Variants in SLC39A8 observed in about 807,000 individuals in gnomAD.
SLC39A8 encodes the protein metal cation symporter ZIP8.
Under a neutral mutation model 40.4 loss-of-function variants are expected in SLC39A8, and 15 were observed. The observed-to-expected ratio is 0.37, with a 90% CI of 0.25 to 0.57. The LOEUF is 0.57. SLC39A8 is among the 20% of genes least tolerant of loss of function. SLC39A8 has a pLI of 0.75. For synonymous variants in SLC39A8, 223 were observed against 221.6 expected (o/e 1.01, Z -0.06); for missense variants, 472 against 558.8 (o/e 0.84, Z 1.57).
At chr4:102,295,859 T>C (rs571316416) in intron 6 of SLC39A8, among the ~76,000 whole-genome samples, 6 of 152,252 alleles carry the variant, frequency 3.9e-5, no homozygotes, top group Non-Finnish European at 8.8e-5. Flanking sequence ...AAAATGCTTT[T>C]GTCAAATTTA....
intron 3 of SLC39A8, 60 bp downstream of exon 3, chr4:102,315,608 T>C: frequency 6.9e-7 from 1 of 1,459,128 alleles, no homozygotes; most frequent in Non-Finnish European, 9.2e-7. Context: ...GCATATTAAC[T>C]TCATTTCACA....
At chr4:102,272,497 G>A (rs1219957888) in intron 6 of SLC39A8, among the ~76,000 whole-genome samples, 1 of 152,008 alleles carries the variant, frequency 6.6e-6, no homozygotes, top group Non-Finnish European at 1.5e-5. Context: ...TATGTTCCCA[G>A]CTACTCGAAA....
intron 2 of SLC39A8, among the ~76,000 whole-genome samples, chr4:102,320,366 G>A (rs192569459): frequency 0.043 from 5,101 of 117,352 alleles, 223 homozygotes; most frequent in Non-Finnish European, 0.069. Context: ...ATATATATGA[G>A]TATATATATA....
chr4:102,281,506 G>C (rs192567406), intron 6 of SLC39A8, among the ~76,000 whole-genome samples: 1 of 152,290 alleles, frequency 6.6e-6, no homozygotes, highest in Non-Finnish European at 1.5e-5. Context: ...CTGTGGCAGA[G>C]AAGATCTAGA....
intron 2 of SLC39A8, among the ~76,000 whole-genome samples, chr4:102,343,351 A>C (rs889685536): frequency 6.6e-6 from 1 of 152,220 alleles, no homozygotes; most frequent in African/African-American, 2.4e-5. Flanking sequence ...CTGTAATCTA[A>C]AGTCATATTC....
intron 2 of SLC39A8, among the ~76,000 whole-genome samples, chr4:102,337,634 C>T (rs1040439028): frequency 6.6e-6 from 1 of 152,218 alleles, no homozygotes; most frequent in Non-Finnish European, 1.5e-5. Flanking sequence ...GCACAAACCA[C>T]TTTCTCCAGT....
intron 2 of SLC39A8, among the ~76,000 whole-genome samples, chr4:102,338,149 C>A (rs1259601862): frequency 6.6e-6 from 1 of 151,472 alleles, no homozygotes; most frequent in Non-Finnish European, 1.5e-5. Flanking sequence ...TGCAGCTTTG[C>A]CTTCCATAGT....
chr4:102,288,912 G>T (rs1199990721), intron 6 of SLC39A8, among the ~76,000 whole-genome samples: 1 of 152,096 alleles, frequency 6.6e-6, no homozygotes, highest in Admixed American at 6.6e-5. Context: ...TTCTGATGGA[G>T]AAGTTATCCA....
chr4:102,299,035 G>A (rs959922319), intron 6 of SLC39A8, among the ~76,000 whole-genome samples: 1 of 151,946 alleles, frequency 6.6e-6, no homozygotes, highest in African/African-American at 2.4e-5. Flanking sequence ...GAACTAGAGA[G>A]ACCCTCAATT....
At chr4:102,339,055 C>T (rs551330016) in intron 2 of SLC39A8, among the ~76,000 whole-genome samples, 1 of 152,256 alleles carries the variant, frequency 6.6e-6, no homozygotes, top group South Asian at 2.1e-4. Flanking sequence ...GGCATCAAGG[C>T]AAACTAAGCT....
Position 102,251,172 on chromosome 4 carries a change from C to T in SLC39A8, c.*2557G>A, listed in dbSNP as rs554251970. 10 of 152,278 alleles carry T rather than the reference C, an allele frequency of 6.6e-5. No individual in the cohort carries two copies. In the South Asian group the frequency reaches 1.9e-3, roughly 28 times the overall value. The allele number at this position is 152,278 out of a possible 1,614,324, so 9.4% of individuals were successfully genotyped here. A position where few individuals can be genotyped will look rare whatever the true frequency, so the allele number is the denominator to read the frequency against. ...ATAGGAATCAGATTAAGGTTATTAG[C>T]ATATCCATCATCTCAAATAGTTGTC... On this transcript the variant is annotated 3_prime_UTR_variant and NMD_transcript_variant, in exon 12 of 12. Coordinates refer to the SLC39A8 transcript ENST00000424970.
intron 6 of SLC39A8, among the ~76,000 whole-genome samples, chr4:102,298,970 A>G (rs1353417306): frequency 2.0e-5 from 3 of 152,058 alleles, no homozygotes; most frequent in Non-Finnish European, 4.4e-5. Flanking sequence ...TCCCAAGCCA[A>G]TGTGGCAAGG....
At chr4:102,266,461 TTATTA>T (rs1459114273) in intron 8 of SLC39A8, among the ~76,000 whole-genome samples, 5 of 152,168 alleles carry the variant, frequency 3.3e-5, no homozygotes, top group Non-Finnish European at 7.3e-5. Flanking sequence ...AAAACTCAAA[TTATTA>T]AATTATGTAT....
intron 11 of SLC39A8, among the ~76,000 whole-genome samples, chr4:102,255,100 T>A (rs934143753): frequency 4.6e-5 from 7 of 152,218 alleles, no homozygotes; most frequent in African/African-American, 1.7e-4. Flanking sequence ...TAATAGAGAT[T>A]TTACTATACT....
rs547502017 is a variant in SLC39A8, at chr4:102,344,302, T to C, written c.219+142A>G. The C allele has an allele frequency of 1.2e-5, 7 of 588,370 alleles. No individual in the cohort carries two copies. The East Asian group carries it at 2.0e-4, about 17-fold the overall frequency. The allele number at this position is 588,370 out of a possible 1,614,324, so 36.4% of individuals were successfully genotyped here. A position where few individuals can be genotyped will look rare whatever the true frequency, so the allele number is the denominator to read the frequency against. On this transcript the variant is annotated intron_variant, in intron 2 of 8. Coordinates refer to ENST00000356736, the MANE Select transcript of SLC39A8 (RefSeq NM_001135146.2). Reference sequence around the variant, plus strand: ...TCAGCCTCGTCTAGTGAAAAGCAAGTGTCACCAGATACCGCCTTCTACTTG... The same window carrying C: ...TCAGCCTCGTCTAGTGAAAAGCAAGCGTCACCAGATACCGCCTTCTACTTG...
At chr4:102,278,248 G>C (rs1261709622) in intron 6 of SLC39A8, among the ~76,000 whole-genome samples, 1 of 151,868 alleles carries the variant, frequency 6.6e-6, no homozygotes, top group African/African-American at 2.4e-5. Flanking sequence ...TCTGACAAAG[G>C]GCTAATATCC....
At chr4:102,299,934 G>T (rs772318953) in intron 6 of SLC39A8, among the ~76,000 whole-genome samples, 49 of 152,034 alleles carry the variant, frequency 3.2e-4, no homozygotes, top group Non-Finnish European at 5.9e-4. Flanking sequence ...CCACCCGGCT[G>T]CAGAGATAGT....
intron 6 of SLC39A8, among the ~76,000 whole-genome samples, chr4:102,281,582 G>C (rs536075580): frequency 6.6e-6 from 1 of 152,128 alleles, no homozygotes; most frequent in Non-Finnish European, 1.5e-5. Flanking sequence ...AGAGAGATTA[G>C]AGCCAGTGGT....
rs146187891 is a variant in SLC39A8 at position 102,297,562 on chromosome 4, C to T, written c.840+6755G>A. Among the ~76,000 whole-genome samples the T allele has an allele frequency of 5.8e-3, 881 of 151,936 alleles. 4 individuals carry two copies. Among genetic ancestry groups the T allele is most frequent in the African/African-American group, 0.02 (809 of 41,436 alleles). On this transcript the variant is annotated intron_variant, in intron 6 of 8. Transcript: ENST00000356736. ...AGCAGATTGAGGAAAAAAATAACAC[C>T]TTGAGGTAGAAAAGATGGAACTTGT...
Sources: gnomAD v4.1 joint callset for allele counts (sites outside exome capture counted in the v4.1 genomes callset) on GRCh38, gnomAD v4.1.1 for gene constraint, MANE v1.5 for transcripts, NCBI Gene and HGNC (gene_info 2026-07-23, HGNC 2026-07-21) for gene names.